Variants in EIF4E3 observed in about 807,000 individuals in gnomAD.
EIF4E3 encodes the protein eukaryotic translation initiation factor 4E type 3.
A neutral mutation model predicts 31.7 loss-of-function variants in EIF4E3; 26 were observed. The observed-to-expected ratio is 0.82, with a 90% CI of 0.60 to 1.14. The LOEUF is 1.14. Ranked by LOEUF, EIF4E3 falls within the 50% of genes most tolerant of loss-of-function variation. The pLI is 0.00. For missense variants in EIF4E3, 304 were observed against 270.9 expected (o/e 1.12, Z -0.86); for synonymous variants, 128 against 107.7 (o/e 1.19, Z -1.17).
chr3:71,687,088 C>T (rs548714638), intron 6 of EIF4E3, among the ~76,000 whole-genome samples: 1 of 152,308 alleles, frequency 6.6e-6, no homozygotes, highest in Non-Finnish European at 1.5e-5. Flanking sequence ...GCAACCTTCA[C>T]CTCCTGGGTT....
chr3:71,737,730 G>A (rs768713426), intron 1 of EIF4E3, among the ~76,000 whole-genome samples: 2 of 151,986 alleles, frequency 1.3e-5, no homozygotes, highest in Admixed American at 1.3e-4. Flanking sequence ...GTTCAAGACC[G>A]GCCTGGGTAG....
At chr3:71,749,657 T>A (rs1179284196) in intron 1 of EIF4E3, among the ~76,000 whole-genome samples, 1 of 152,074 alleles carries the variant, frequency 6.6e-6, no homozygotes, top group Non-Finnish European at 1.5e-5. Flanking sequence ...ATTCACACCA[T>A]CTATACGTAC....
At chr3:71,727,097 CCA>C (rs1449614521), upstream of EIF4E3, among the ~76,000 whole-genome samples, 1 of 152,150 alleles carries the variant, frequency 6.6e-6, no homozygotes, top group Non-Finnish European at 1.5e-5. Flanking sequence ...TATTCAGACT[CCA>C]GAGTCTAGAC....
At chr3:71,721,855 A>C (rs539257786) in intron 1 of EIF4E3, among the ~76,000 whole-genome samples, 1 of 152,266 alleles carries the variant, frequency 6.6e-6, no homozygotes, top group Admixed American at 6.5e-5. Flanking sequence ...ACATGTGAGC[A>C]GAGGCTTGAA....
At chr3:71,701,282 T>C (rs941339018) in intron 2 of EIF4E3, among the ~76,000 whole-genome samples, 1 of 152,208 alleles carries the variant, frequency 6.6e-6, no homozygotes, top group Non-Finnish European at 1.5e-5. Context: ...CCAGGCTTTG[T>C]TCTATGAACA....
At chr3:71,736,644 C>G (rs960818741) in intron 1 of EIF4E3, among the ~76,000 whole-genome samples, 7 of 152,058 alleles carry the variant, frequency 4.6e-5, no homozygotes, top group Admixed American at 1.3e-4. Context: ...GTCAGGGGTT[C>G]AGGTGTAGGA....
chr3:71,719,751 C>T (rs981347759), intron 1 of EIF4E3, among the ~76,000 whole-genome samples: 6 of 151,918 alleles, frequency 3.9e-5, no homozygotes, highest in Admixed American at 6.6e-5. Context: ...TTGGACAGGG[C>T]GCCTCTAATC....
chr3:71,723,688 G>T (rs1578374781), intron 1 of EIF4E3, among the ~76,000 whole-genome samples: 1 of 152,152 alleles, frequency 6.6e-6, no homozygotes, highest in Non-Finnish European at 1.5e-5. Context: ...ACAGGTCCAG[G>T]TTTAACACCT....
At chr3:71,702,280 T>C (rs561198537) in intron 2 of EIF4E3, among the ~76,000 whole-genome samples, 134 of 152,272 alleles carry the variant, frequency 8.8e-4, no homozygotes, top group Middle Eastern at 6.8e-3. Context: ...ATGACCTCTG[T>C]AGAATTTATG....
chr3:71,672,940 G>A (rs1057075984), downstream of EIF4E3, among the ~76,000 whole-genome samples: 1 of 152,198 alleles, frequency 6.6e-6, no homozygotes, highest in African/African-American at 2.4e-5. Flanking sequence ...CAAGGCATGG[G>A]GGTGGAAGGA....
At chr3:71,704,868 C>T (rs749982303) in intron 2 of EIF4E3, among the ~76,000 whole-genome samples, 1 of 152,198 alleles carries the variant, frequency 6.6e-6, no homozygotes, top group Non-Finnish European at 1.5e-5. Context: ...ACACAACAGC[C>T]TCCACTGAGA....
At chr3:71,696,639 T>C (rs1416184934) in intron 3 of EIF4E3, 119 bp from the exon 4 acceptor site, 7 of 1,134,468 alleles carry the variant, frequency 6.2e-6, no homozygotes, top group Non-Finnish European at 8.8e-6. Flanking sequence ...AACAAAATAG[T>C]TGGGCATTTT....
At chr3:71,726,567 C>T (rs1245372695), upstream of EIF4E3, among the ~76,000 whole-genome samples, 1 of 152,240 alleles carries the variant, frequency 6.6e-6, no homozygotes, top group Non-Finnish European at 1.5e-5. Flanking sequence ...TCCTCATTGA[C>T]CTTCTACCTG....
chr3:71,695,770 A>AGGAAGTGCTAG (rs1397292881), intron 4 of EIF4E3, among the ~76,000 whole-genome samples: 2 of 152,200 alleles, frequency 1.3e-5, no homozygotes, highest in Non-Finnish European at 2.9e-5. Context: ...AAAACTGCCT[A>AGGAAGTGCTAG]GCACTTCCCC....
chr3:71,683,328 T>C lies in EIF4E3; in HGVS notation c.*1354A>G, dbSNP rs1290547546. On this transcript the variant is annotated 3_prime_UTR_variant, in exon 7 of 7. Coordinates refer to ENST00000425534, the MANE Select transcript of EIF4E3 (RefSeq NM_001134651.2). ...ATCCCAGGTACAGTGAAGTTCTGAG[T>C]GCACTGCCCTTTTGAAAAATGTGTG... 3.3e-5 allele frequency: 5 copies of C among 152,162 alleles called. No individual in the cohort carries two copies. Among genetic ancestry groups the C allele is most frequent in the South Asian group, 2.1e-4 (1 of 4,828 alleles). The allele number at this position is 152,162 out of a possible 1,614,324, so 9.4% of individuals were successfully genotyped here. A position where few individuals can be genotyped will look rare whatever the true frequency, so the allele number is the denominator to read the frequency against.
chr3:71,692,603 T>C (rs1224312961), intron 5 of EIF4E3, among the ~76,000 whole-genome samples: 1 of 152,012 alleles, frequency 6.6e-6, no homozygotes, highest in Non-Finnish European at 1.5e-5. Flanking sequence ...GTCTTCTTTT[T>C]TTTTTTTTTT....
chr3:71,729,665 G>A (rs145854404), upstream of EIF4E3, among the ~76,000 whole-genome samples: 15 of 152,250 alleles, frequency 9.9e-5, no homozygotes, highest in Admixed American at 2.6e-4. Flanking sequence ...AATGTCAGGC[G>A]TTCATTCATT....
rs114553494 is a variant in EIF4E3, at chr3:71,746,002, C to A, written c.-291+7461G>T. Among the ~76,000 whole-genome samples the A allele has an allele frequency of 4.3e-3, 650 of 152,302 alleles. 7 individuals carry two copies. Among genetic ancestry groups the A allele is most frequent in the African/African-American group, 0.015 (611 of 41,544 alleles). On this transcript the variant is annotated intron_variant, in intron 1 of 7. Coordinates refer to the EIF4E3 transcript ENST00000295612. ...TTTCAGGTGGTTAAAATACTGCCAC[C>A]TATGCCGTTAGCATAATGGTTTTTC...
chr3:71,730,725 A>G (rs953942927), intron 1 of EIF4E3, among the ~76,000 whole-genome samples: 2 of 149,606 alleles, frequency 1.3e-5, no homozygotes, highest in African/African-American at 5.1e-5. Flanking sequence ...CTTTTTCTCT[A>G]TTATTATTGT....
Sources: allele counts gnomAD v4.1 joint callset (sites outside exome capture counted in the v4.1 genomes callset), GRCh38; gene constraint gnomAD v4.1.1; transcripts MANE v1.5; gene names NCBI Gene and HGNC (gene_info 2026-07-23, HGNC 2026-07-21).